The following ACER3 variants were observed in gnomAD, a reference collection of about 807,000 sequenced individuals.
The protein encoded by ACER3 is alkCDase 3.
Under a neutral mutation model 48.9 loss-of-function variants are expected in ACER3, and 16 were observed. The ratio of observed to expected loss-of-function variants is 0.33; its 90% CI spans 0.22 to 0.50. ACER3 has a LOEUF of 0.50. ACER3 is among the 20% of genes least tolerant of loss of function. The pLI, the probability that ACER3 is intolerant of heterozygous loss-of-function variation, is 0.98. For missense variants in ACER3, 227 were observed against 326.0 expected (o/e 0.70, Z 2.34); for synonymous variants, 109 against 107.8 (o/e 1.01, Z -0.07).
chr11:76,905,473 C>A (rs1946204498), intron 1 of ACER3, among the ~76,000 whole-genome samples: 1 of 152,094 alleles, frequency 6.6e-6, no homozygotes, highest in Admixed American at 6.5e-5. Flanking sequence ...CATTCATTGC[C>A]CTTAGACCTT....
chr11:76,947,708 A>G (rs755244434), intron 2 of ACER3, among the ~76,000 whole-genome samples: 1 of 152,206 alleles, frequency 6.6e-6, no homozygotes, highest in African/African-American at 2.4e-5. Context: ...AGTCTGCTAA[A>G]TAGTAACATT....
At chr11:76,943,142 C>CT (rs909764516) in intron 2 of ACER3, among the ~76,000 whole-genome samples, 4 of 151,678 alleles carry the variant, frequency 2.6e-5, no homozygotes, top group Middle Eastern at 3.4e-3. Flanking sequence ...TGATCCTTTG[C>CT]TTTTTTTGTT....
At chr11:76,988,605 C>T (rs1364981197) in intron 5 of ACER3, among the ~76,000 whole-genome samples, 1 of 152,158 alleles carries the variant, frequency 6.6e-6, no homozygotes, top group Non-Finnish European at 1.5e-5. Flanking sequence ...GATCTGTTCA[C>T]CTCCCACAAA....
chr11:76,893,805 A>G (rs1392100361), intron 1 of ACER3, among the ~76,000 whole-genome samples: 1 of 152,240 alleles, frequency 6.6e-6, no homozygotes, highest in African/African-American at 2.4e-5. Context: ...ATTAAATTCA[A>G]ACTACCTTTT....
At chr11:76,979,335 T>C (rs924109589) in intron 4 of ACER3, among the ~76,000 whole-genome samples, 5 of 152,246 alleles carry the variant, frequency 3.3e-5, no homozygotes, top group African/African-American at 1.2e-4. Flanking sequence ...CTGTTGGCTC[T>C]GACCTTTACT....
chr11:76,925,732 A>G (rs1946812129), intron 1 of ACER3, among the ~76,000 whole-genome samples: 1 of 152,050 alleles, frequency 6.6e-6, no homozygotes, highest in South Asian at 2.1e-4. Flanking sequence ...CCAGAAAAAG[A>G]TATGTTGTAA....
intron 2 of ACER3, among the ~76,000 whole-genome samples, chr11:76,950,724 C>A (rs945277334): frequency 2.6e-5 from 4 of 151,780 alleles, no homozygotes; most frequent in African/African-American, 9.7e-5. Flanking sequence ...TCTTGGCCTC[C>A]CAAAGTTGTA....
intron 10 of ACER3, among the ~76,000 whole-genome samples, chr11:77,019,986 A>T (rs1193267932): frequency 6.6e-6 from 1 of 152,234 alleles, no homozygotes; most frequent in Non-Finnish European, 1.5e-5. Flanking sequence ...TTAAGCTGCT[A>T]ATAACTACAT....
chr11:76,889,117 T>C (rs1411279140), intron 1 of ACER3, among the ~76,000 whole-genome samples: 1 of 152,166 alleles, frequency 6.6e-6, no homozygotes, highest in Admixed American at 6.5e-5. Flanking sequence ...TCAGATCCAT[T>C]TCCTATCCTT....
chr11:76,998,513 A>G (rs1948962069), intron 6 of ACER3: 2 of 394,296 alleles, frequency 5.1e-6, no homozygotes, highest in Non-Finnish European at 8.9e-6. Context: ...TCAAGGATCC[A>G]TTCAGAATTA....
At chr11:76,871,518 G>A (rs1208325487) in intron 1 of ACER3, among the ~76,000 whole-genome samples, 2 of 152,194 alleles carry the variant, frequency 1.3e-5, no homozygotes, top group Admixed American at 6.5e-5. Context: ...TTTCTGATTG[G>A]CAATTGGTTG....
intron 7 of ACER3, among the ~76,000 whole-genome samples, chr11:77,005,303 C>T (rs544700568): frequency 1.3e-5 from 2 of 152,072 alleles, no homozygotes; most frequent in Non-Finnish European, 1.5e-5. Context: ...GTCTATAGTG[C>T]TTATGTTTCT....
rs1949457108 is a variant in ACER3 at position 77,020,607 on chromosome 11, G to A, written c.*280G>A. ...TATGCCTCAAATGCAGAAACAGTTG[G>A]GCTTTTCTTAACAGGTTAACAGTTT... On this transcript the variant is annotated 3_prime_UTR_variant, in exon 11 of 11. Transcript: ENST00000532485. The A allele has an allele frequency of 2.9e-6, 1 of 349,558 alleles. No homozygotes were observed. The highest frequency in any genetic ancestry group is 4.4e-5 in the Admixed American group (1 of 22,650). The allele number at this position is 349,558 out of a possible 1,614,324, so 21.7% of individuals were successfully genotyped here.
At chr11:76,971,735 A>G (rs927315386) in intron 3 of ACER3, among the ~76,000 whole-genome samples, 2 of 152,192 alleles carry the variant, frequency 1.3e-5, no homozygotes, top group African/African-American at 2.4e-5. Flanking sequence ...AAGACTGGTT[A>G]TAAGAGGGAA....
intron 1 of ACER3, among the ~76,000 whole-genome samples, chr11:76,877,700 T>A (rs9666322): frequency 0.6 from 90,504 of 151,852 alleles, 29,322 homozygotes; most frequent in Non-Finnish European, 0.74. Context: ...AGGAGGACAG[T>A]CCTTTGGTTA....
At chr11:76,954,772 C>T (rs1947792565) in intron 2 of ACER3, among the ~76,000 whole-genome samples, 1 of 151,916 alleles carries the variant, frequency 6.6e-6, no homozygotes, top group African/African-American at 2.4e-5. Flanking sequence ...AGTTAACCTT[C>T]TGTATGCTTT....
At chr11:76,948,678 T>C (rs1276627106) in intron 2 of ACER3, among the ~76,000 whole-genome samples, 1 of 152,234 alleles carries the variant, frequency 6.6e-6, no homozygotes, top group African/African-American at 2.4e-5. Context: ...TTGTATCATG[T>C]ATTCTAGGTC....
At chr11:76,994,455 AG>A in intron 6 of ACER3, among the ~76,000 whole-genome samples, 1 of 151,500 alleles carries the variant, frequency 6.6e-6, no homozygotes, top group East Asian at 1.9e-4. Context: ...CAGTACAGAC[AG>A]GGTTTTTTCG....
chr11:76,962,160 C>G (rs1048031462), intron 3 of ACER3, among the ~76,000 whole-genome samples: 5 of 150,532 alleles, frequency 3.3e-5, no homozygotes, highest in African/African-American at 1.2e-4. Context: ...AGTGATTCTC[C>G]TGCCTCAGCC....
Sources: gnomAD v4.1 joint callset for allele counts (sites outside exome capture counted in the v4.1 genomes callset) on GRCh38, gnomAD v4.1.1 for gene constraint, MANE v1.5 for transcripts, NCBI Gene and HGNC (gene_info 2026-07-23, HGNC 2026-07-21) for gene names.